The following ARMH3 variants were observed in gnomAD, a reference collection of about 807,000 sequenced individuals.
ARMH3 encodes the protein armadillo-like helical domain-containing protein 3.
ARMH3 carries 60 observed loss-of-function variants against 99.1 expected under a neutral mutation model. That is an observed-to-expected ratio of 0.61 (90% CI 0.49 to 0.75). The LOEUF (loss-of-function observed/expected upper bound fraction) is 0.75, where lower values mean the gene tolerates loss of function less well. Ranked by LOEUF, ARMH3 falls within the 30% of genes least tolerant of loss-of-function variation. The pLI is 0.00. For missense variants in ARMH3, 679 were observed against 843.1 expected, an observed-to-expected ratio of 0.81 and a Z score of 2.41; for synonymous variants, 285 against 292.8, an observed-to-expected ratio of 0.97 and a Z score of 0.27.
intron 23 of ARMH3, chr10:101,889,801 T>G: frequency 3.5e-6 from 1 of 288,026 alleles, no homozygotes; most frequent in South Asian, 4.4e-5. Flanking sequence ...CCCAGAGGGC[T>G]GTCCACTAGG....
chr10:101,954,769 G>A (rs966281938), intron 22 of ARMH3, among the ~76,000 whole-genome samples: 8 of 152,100 alleles, frequency 5.3e-5, no homozygotes, highest in Non-Finnish European at 1.0e-4. Flanking sequence ...ACTGAAACAT[G>A]CTATCTCCTA....
chr10:101,955,150 T>G (rs185165081), intron 22 of ARMH3, among the ~76,000 whole-genome samples: 2 of 152,228 alleles, frequency 1.3e-5, no homozygotes, highest in Admixed American at 1.3e-4. Context: ...CAACGTGAAG[T>G]CTATTAGAGA....
chr10:101,906,162 T>C (rs1842628030), intron 23 of ARMH3, among the ~76,000 whole-genome samples: 1 of 152,270 alleles, frequency 6.6e-6, no homozygotes, highest in Non-Finnish European at 1.5e-5. Context: ...TTCATAGAAA[T>C]GTAACTGGTT....
chr10:101,933,588 T>C (rs1843819325), intron 23 of ARMH3, among the ~76,000 whole-genome samples: 1 of 152,232 alleles, frequency 6.6e-6, no homozygotes, highest in Non-Finnish European at 1.5e-5. Context: ...TGATATGTAA[T>C]GCTCCCAGTC....
At chr10:101,973,050 A>G (rs908300354) in intron 20 of ARMH3, among the ~76,000 whole-genome samples, 2 of 152,214 alleles carry the variant, frequency 1.3e-5, no homozygotes, top group Non-Finnish European at 2.9e-5. Flanking sequence ...TATAAAAGAC[A>G]TTTTTAAATC....
chr10:101,857,746 C>T (rs1385920058), intron 24 of ARMH3, among the ~76,000 whole-genome samples: 1 of 152,198 alleles, frequency 6.6e-6, no homozygotes, highest in Non-Finnish European at 1.5e-5. Flanking sequence ...ATTCTCTTCT[C>T]TGGATTTGTT....
chr10:101,924,075 A>C (rs967878016), intron 23 of ARMH3, among the ~76,000 whole-genome samples: 1 of 152,352 alleles, frequency 6.6e-6, no homozygotes, highest in East Asian at 1.9e-4. Context: ...AAGATGTAGA[A>C]GGCGTATTTA....
chr10:102,005,098 G>A (rs1204588003), intron 14 of ARMH3, among the ~76,000 whole-genome samples: 1 of 152,218 alleles, frequency 6.6e-6, no homozygotes, highest in Admixed American at 6.5e-5. Context: ...CAGGGAGGCT[G>A]AGGCAGGAGA....
intron 24 of ARMH3, among the ~76,000 whole-genome samples, chr10:101,871,667 G>C (rs976446089): frequency 6.6e-6 from 1 of 152,128 alleles, no homozygotes; most frequent in Non-Finnish European, 1.5e-5. Context: ...ATGAATCACA[G>C]AACTAAATGT....
At chr10:101,890,227 CATATAT>C (rs921545002) in intron 23 of ARMH3, among the ~76,000 whole-genome samples, 1 of 147,966 alleles carries the variant, frequency 6.8e-6, no homozygotes, top group Non-Finnish European at 1.5e-5. Context: ...CTCTTTTTTT[CATATAT>C]ATATATATAT....
intron 8 of ARMH3, among the ~76,000 whole-genome samples, chr10:102,015,963 A>C (rs2066741090): frequency 6.6e-6 from 1 of 152,066 alleles, no homozygotes; most frequent in South Asian, 2.1e-4. Context: ...GCAAAACCCT[A>C]TCTCTACAAA....
intron 14 of ARMH3, among the ~76,000 whole-genome samples, chr10:102,004,554 T>C (rs914942853): frequency 6.6e-6 from 1 of 152,150 alleles, no homozygotes; most frequent in Non-Finnish European, 1.5e-5. Flanking sequence ...ATCAAGTGTG[T>C]GGGTGGAAGT....
At chr10:101,997,985 A>G (rs1847139271) in intron 15 of ARMH3, among the ~76,000 whole-genome samples, 1 of 152,164 alleles carries the variant, frequency 6.6e-6, no homozygotes, top group South Asian at 2.1e-4. Flanking sequence ...GCCACACAGG[A>G]GTCATTTTTG....
intron 19 of ARMH3, among the ~76,000 whole-genome samples, chr10:101,979,045 G>T (rs1175314305): frequency 3.3e-5 from 5 of 152,112 alleles, no homozygotes; most frequent in African/African-American, 1.2e-4. Context: ...TCAGAAGGCT[G>T]AAACAGGAGG....
chr10:101,890,325 C>G (rs897713900), intron 23 of ARMH3, among the ~76,000 whole-genome samples: 1 of 151,958 alleles, frequency 6.6e-6, no homozygotes, highest in Non-Finnish European at 1.5e-5. Context: ...CTCACTGCAT[C>G]CTTAACCTCC....
chr10:102,055,732 G>A lies in ARMH3; in HGVS notation c.-12+353C>T, dbSNP rs377504666. 3.9e-5 allele frequency among the ~76,000 whole-genome samples: 6 copies of A among 152,334 alleles called. No homozygotes were observed. In the East Asian group the frequency reaches 9.6e-4, roughly 24 times the overall value. On this transcript the variant is annotated intron_variant, in intron 1 of 25. Coordinates refer to ENST00000370033, the MANE Select transcript of ARMH3 (RefSeq NM_024541.3). ...CCGCACCCCAGGACCAAGAACAGCA[G>A]GAGAGGAAGCTCTCGGGGCAGCTGG...
intron 23 of ARMH3, among the ~76,000 whole-genome samples, chr10:101,933,788 TAGA>T (rs1432925385): frequency 2.0e-5 from 3 of 152,212 alleles, no homozygotes; most frequent in East Asian, 1.9e-4. Context: ...AACTGCAGAA[TAGA>T]AGGTTATGTT....
chr10:101,947,236 G>T (rs936006096), intron 22 of ARMH3, among the ~76,000 whole-genome samples: 1 of 151,816 alleles, frequency 6.6e-6, no homozygotes, highest in Non-Finnish European at 1.5e-5. Flanking sequence ...ACAAACAATG[G>T]AACAATTATT....
chr10:101,945,752 A>G (rs1844488490), intron 22 of ARMH3, among the ~76,000 whole-genome samples: 1 of 151,644 alleles, frequency 6.6e-6, no homozygotes, highest in Admixed American at 6.6e-5. Flanking sequence ...AGAAGATTAT[A>G]ACCAATCTCT....
Sources: allele counts gnomAD v4.1 joint callset (sites outside exome capture counted in the v4.1 genomes callset), GRCh38; gene constraint gnomAD v4.1.1; transcripts MANE v1.5; gene names NCBI Gene and HGNC (gene_info 2026-07-23, HGNC 2026-07-21).